The following DPYD variants were observed in gnomAD, a reference collection of about 807,000 sequenced individuals.
DPYD encodes dihydropyrimidine dehydrogenase [NADP(+)].
In DPYD, 109 loss-of-function variants were observed where a neutral mutation model predicts 116.2. The ratio of observed to expected loss-of-function variants is 0.94; its 90% CI spans 0.80 to 1.10. DPYD has a LOEUF of 1.10. Among genes scored for constraint, DPYD ranks in the 50% least tolerant of loss-of-function variants. The probability of loss-of-function intolerance (pLI) is 0.00; values close to 1 mark genes in which losing one functional copy is unlikely to be tolerated. For missense variants in DPYD, 1,302 were observed against 1,254.5 expected (o/e 1.04, Z -0.57); for synonymous variants, 440 against 432.0 (o/e 1.02, Z -0.23).
At chr1:97,736,513 C>T (rs1415543030) in intron 4 of DPYD, among the ~76,000 whole-genome samples, 1 of 151,874 alleles carries the variant, frequency 6.6e-6, no homozygotes, top group Non-Finnish European at 1.5e-5. Context: ...TAAAGCTAAT[C>T]CAATATTGAC....
At chr1:97,729,596 A>G (rs1240008002) in intron 4 of DPYD, among the ~76,000 whole-genome samples, 1 of 152,120 alleles carries the variant, frequency 6.6e-6, no homozygotes, top group African/African-American at 2.4e-5. Context: ...AGAAAGAAAG[A>G]AGCAAAATGT....
chr1:97,237,872 A>G (rs1041766203), intron 18 of DPYD, among the ~76,000 whole-genome samples: 22 of 152,244 alleles, frequency 1.4e-4, no homozygotes, highest in Non-Finnish European at 2.5e-4. Flanking sequence ...CAAGAGAGTA[A>G]ATTTGAGCTA....
rs1669768934 is a variant in DPYD at position 97,836,275 on chromosome 1, ATCAC to A, written c.151-8083_151-8080del. Among the ~76,000 whole-genome samples, 5 of 152,284 alleles carry A rather than the reference ATCAC, an allele frequency of 3.3e-5. No homozygotes were observed. The South Asian group carries it at 1.0e-3, about 32-fold the overall frequency. On this transcript the variant is annotated intron_variant, in intron 2 of 22. Coordinates refer to ENST00000370192, the MANE Select transcript of DPYD (RefSeq NM_000110.4). ...TTTTTTCATCTATGTTTATAGGACT[ATCAC>A]TCACTTAAGAATGTTAAATGTCTCA...
intron 9 of DPYD, among the ~76,000 whole-genome samples, chr1:97,594,543 C>T (rs1654745622): frequency 6.6e-6 from 1 of 152,120 alleles, no homozygotes; most frequent in Non-Finnish European, 1.5e-5. Context: ...TAAAATATTA[C>T]AATTTTCCCC....
At chr1:97,373,711 G>A (rs1270953559) in intron 15 of DPYD, 67 bp from the exon 16 acceptor site, 39 of 1,351,314 alleles carry the variant, frequency 2.9e-5, no homozygotes, top group Admixed American at 5.2e-5. Context: ...GGCTTTCACC[G>A]TTGATAACAC....
chr1:97,229,308 T>C (rs1356100944), intron 19 of DPYD, among the ~76,000 whole-genome samples: 1 of 147,794 alleles, frequency 6.8e-6, no homozygotes, highest in Non-Finnish European at 1.5e-5. Context: ...CCAGCAGACA[T>C]TAAACACTAT....
At chr1:97,291,529 C>T (rs1666170767) in intron 18 of DPYD, among the ~76,000 whole-genome samples, 1 of 152,114 alleles carries the variant, frequency 6.6e-6, no homozygotes, top group Non-Finnish European at 1.5e-5. Context: ...GAGTTCATGT[C>T]CTTTGTAAGG....
At chr1:97,883,186 A>G in intron 2 of DPYD, 78 bp downstream of exon 2, 1 of 884,006 alleles carries the variant, frequency 1.1e-6, no homozygotes. Context: ...CTTATTTCTA[A>G]GTGTATGTAA....
At chr1:97,672,904 T>TA (rs139128546) in intron 8 of DPYD, among the ~76,000 whole-genome samples, 2,185 of 152,180 alleles carry the variant, frequency 0.014, 52 homozygotes, top group African/African-American at 0.05. Flanking sequence ...TCTTCACATT[T>TA]AAAAAAATAT....
In DPYD at chr1:97,527,794, G is replaced by GGA. The variant is rs545195846; in HGVS notation, c.1525-11854_1525-11853insTC. Among the ~76,000 whole-genome samples the GGA allele has an allele frequency of 2.8e-4, 32 of 112,768 alleles. 1 individual carries two copies. In the East Asian group the frequency reaches 7.7e-3, roughly 27 times the overall value. 74.0% of individuals were successfully genotyped at this position (112,768 alleles called of 152,430 possible). A position where few individuals can be genotyped will look rare whatever the true frequency, so the allele number is the denominator to read the frequency against. ...ATTTGCTTTGCTAGAATGAAATTTG[G>GGA]AAAAAAAAAAAAAAAAAAAGGAAGA... On this transcript the variant is annotated intron_variant, in intron 12 of 22. Coordinates refer to ENST00000370192, the MANE Select transcript of DPYD (RefSeq NM_000110.4).
chr1:97,903,500 C>T (rs1186322604), intron 1 of DPYD, among the ~76,000 whole-genome samples: 1 of 151,820 alleles, frequency 6.6e-6, no homozygotes, highest in Admixed American at 6.6e-5. Flanking sequence ...ATGGTCAAAA[C>T]ATGTTGGTCT....
chr1:97,737,023 A>AT (rs919139334), intron 4 of DPYD, among the ~76,000 whole-genome samples: 3 of 151,970 alleles, frequency 2.0e-5, no homozygotes, highest in Non-Finnish European at 4.4e-5. Context: ...CTCCTCACCT[A>AT]TTTTTGCCCA....
intron 19 of DPYD, among the ~76,000 whole-genome samples, chr1:97,200,603 TTAAAC>T (rs1404518640): frequency 6.6e-6 from 1 of 152,208 alleles, no homozygotes; most frequent in African/African-American, 2.4e-5. Context: ...CATATTTTGT[TTAAAC>T]TATGCAAAAC....
At position 97,883,354 on chromosome 1, in the gene DPYD, A is replaced by C. The variant is rs1294147978; in HGVS notation, c.60T>G (p.Pro20=). ...ADIESILALN[P]RTQTHATLCS... ...ACAGAGTTGCATGAGTTTGTGTTCG[A>C]GGATTTAAAGCCAGGATACTCTAAA... Residue 20 remains proline (P), a synonymous_variant, in exon 2 of 23, where the codon CCT becomes CCG. Coordinates refer to ENST00000370192, the MANE Select transcript of DPYD (RefSeq NM_000110.4). 1 of 1,611,168 alleles carries C rather than the reference A, an allele frequency of 6.2e-7. No homozygotes were observed. Among genetic ancestry groups the C allele is most frequent in the Non-Finnish European group, 8.5e-7 (1 of 1,177,586 alleles).
intron 8 of DPYD, among the ~76,000 whole-genome samples, chr1:97,673,444 C>G (rs985643200): frequency 6.6e-6 from 1 of 151,942 alleles, no homozygotes; most frequent in African/African-American, 2.4e-5. Context: ...GTTAAGCAAC[C>G]TATAAATTTA....
chr1:97,636,726 T>C (rs1205806116), intron 8 of DPYD, among the ~76,000 whole-genome samples: 1 of 152,106 alleles, frequency 6.6e-6, no homozygotes, highest in African/African-American at 2.4e-5. Context: ...TACCGAAGAG[T>C]CTTGAATGCT....
intron 5 of DPYD, among the ~76,000 whole-genome samples, chr1:97,721,219 C>CA (rs1214244149): frequency 6.6e-6 from 1 of 151,732 alleles, no homozygotes; most frequent in Non-Finnish European, 1.5e-5. Context: ...CATACTTCCA[C>CA]ATAAAGTTAA....
intron 2 of DPYD, among the ~76,000 whole-genome samples, chr1:97,845,080 A>T (rs1038669839): frequency 2.0e-5 from 3 of 152,194 alleles, no homozygotes; most frequent in East Asian, 1.9e-4. Flanking sequence ...CTCTTGGCAC[A>T]AATAGCCTGG....
At chr1:97,726,106 G>A (rs550670718) in intron 4 of DPYD, among the ~76,000 whole-genome samples, 5 of 151,690 alleles carry the variant, frequency 3.3e-5, no homozygotes, top group Admixed American at 2.0e-4. Context: ...GCAATGACCT[G>A]TAGGGCAATA....
Sources: allele counts gnomAD v4.1 joint callset (sites outside exome capture counted in the v4.1 genomes callset), GRCh38; gene constraint gnomAD v4.1.1; transcripts MANE v1.5; gene names NCBI Gene and HGNC (gene_info 2026-07-23, HGNC 2026-07-21).